TBCD: variants seen among roughly 807,000 people sequenced by gnomAD.
The protein encoded by TBCD is tubulin folding cofactor D, also known as tubulin-specific chaperone D.
TBCD carries 105 observed loss-of-function variants against 169.3 expected under a neutral mutation model. The observed-to-expected ratio is 0.62, with a 90% CI of 0.53 to 0.73. The LOEUF (loss-of-function observed/expected upper bound fraction) is 0.73, where lower values mean the gene tolerates loss of function less well. Among genes scored for constraint, TBCD ranks in the 30% least tolerant of loss-of-function variants. The probability of loss-of-function intolerance (pLI) is 0.00; values close to 1 mark genes in which losing one functional copy is unlikely to be tolerated. For synonymous variants in TBCD, 700 were observed against 643.9 expected, an observed-to-expected ratio of 1.09 and a Z score of -1.32; for missense variants, 1,444 against 1,600.1, an observed-to-expected ratio of 0.90 and a Z score of 1.66.
At chr17:82,787,660 C>T (rs994021092) in intron 7 of TBCD, among the ~76,000 whole-genome samples, 5 of 152,200 alleles carry the variant, frequency 3.3e-5, no homozygotes, top group Admixed American at 2.0e-4. Context: ...CTTTGATGCA[C>T]TTGGCTTCAT....
rs980610386 is a variant in TBCD, at chr17:82,903,334, T to G, written c.1731-71T>G. On this transcript the variant is annotated intron_variant, in intron 18 of 38. Transcript: ENST00000355528. This position sits in a 1 kb window ranked among gnomAD's most constrained non-coding sequence, Gnocchi z 4.8. Reference sequence around the variant, plus strand: ...GACTCGTGTGTTGTCTCCCTCACTTTCTTTTTATGAATTGAATAAAGCTAG... The same window carrying G: ...GACTCGTGTGTTGTCTCCCTCACTTGCTTTTTATGAATTGAATAAAGCTAG... 4.4e-5 allele frequency: 64 copies of G among 1,447,176 alleles called. No individual in the cohort carries two copies. Among genetic ancestry groups the G allele is most frequent in the Middle Eastern group, 3.4e-4 (2 of 5,822 alleles). 89.6% of individuals were successfully genotyped at this position (1,447,176 alleles called of 1,614,324 possible).
intron 29 of TBCD, among the ~76,000 whole-genome samples, chr17:82,927,609 T>C (rs1364082277): frequency 1.3e-5 from 2 of 152,114 alleles, no homozygotes; most frequent in Non-Finnish European, 2.9e-5. Flanking sequence ...GCCGGCTGCT[T>C]ACATTGGGTT....
intron 26 of TBCD, 106 bp from the exon 27 acceptor site, chr17:82,924,833 C>T: frequency 8.0e-6 from 7 of 877,092 alleles, no homozygotes; most frequent in Non-Finnish European, 1.2e-5. Context: ...CAGGCGGCTC[C>T]TCCTTTGTTC....
At chr17:82,837,760 TA>T (rs2054112714) in intron 13 of TBCD, among the ~76,000 whole-genome samples, 2 of 152,206 alleles carry the variant, frequency 1.3e-5, no homozygotes, top group African/African-American at 4.8e-5. Flanking sequence ...CTGAAATACT[TA>T]TGCAGAGTCT....
At chr17:82,911,437 T>C (rs1482962658) in intron 22 of TBCD, among the ~76,000 whole-genome samples, 1 of 152,016 alleles carries the variant, frequency 6.6e-6, no homozygotes, top group African/African-American at 2.4e-5. Flanking sequence ...GGGCTCTTTC[T>C]GGCATCTGAG....
chr17:82,794,258 G>C (rs184240319), intron 7 of TBCD, among the ~76,000 whole-genome samples: 2,681 of 152,376 alleles, frequency 0.018, 34 homozygotes, highest in Middle Eastern at 0.027. Flanking sequence ...ATGCCCCAGG[G>C]GGGGGAAGCT....
At position 82,880,729 on chromosome 17, in the gene TBCD, CG is replaced by C. The variant is rs1180182121; in HGVS notation, c.1476-3415del. Reference sequence around the variant, plus strand: ...CCCCACACAGTGACACCTGTCTGTCCGTCCGTCTGTCCACAGGAGCAGGAGG... The same window carrying C: ...CCCCACACAGTGACACCTGTCTGTCCTCCGTCTGTCCACAGGAGCAGGAGG... On this transcript the variant is annotated intron_variant, in intron 14 of 38. Transcript: ENST00000355528. This position sits in a 1 kb window ranked among gnomAD's most constrained non-coding sequence, Gnocchi z 5.0. 2.6e-5 allele frequency among the ~76,000 whole-genome samples: 4 copies of C among 151,588 alleles called. No individual in the cohort carries two copies. The highest frequency in any genetic ancestry group is 2.6e-4 in the Admixed American group (4 of 15,272).
rs181652188 is a variant in TBCD, at chr17:82,816,165, T to C, written c.1318+1231T>C. 2.0e-5 allele frequency among the ~76,000 whole-genome samples: 3 copies of C among 152,328 alleles called. No homozygotes were observed. The East Asian group carries it at 5.8e-4, about 29-fold the overall frequency. ...AGTGGAACCTACGACATGTGATCTTTGGCGTCCGAATTCTTCGGCTGAGTT... is the reference window on the plus strand; with the variant it reads ...AGTGGAACCTACGACATGTGATCTTCGGCGTCCGAATTCTTCGGCTGAGTT... On this transcript the variant is annotated intron_variant, in intron 13 of 38. Transcript: ENST00000355528.
chr17:82,854,410 C>T (rs1400097228), intron 13 of TBCD, among the ~76,000 whole-genome samples: 1 of 152,200 alleles, frequency 6.6e-6, no homozygotes, highest in African/African-American at 2.4e-5. Flanking sequence ...GGGTGCAGGC[C>T]GGACGCAGGC....
At chr17:82,936,528 G>C (rs1329982565) in intron 34 of TBCD, among the ~76,000 whole-genome samples, 1 of 152,158 alleles carries the variant, frequency 6.6e-6, no homozygotes, top group Non-Finnish European at 1.5e-5. Context: ...CGTTTGAGGG[G>C]TCGCACCTCA....
Position 82,910,314 on chromosome 17 carries a change from G to T in TBCD, c.2006+1007G>T, listed in dbSNP as rs147868841. 4.6e-5 allele frequency among the ~76,000 whole-genome samples: 7 copies of T among 152,236 alleles called. No homozygotes were observed. The South Asian group carries it at 1.5e-3, about 32-fold the overall frequency. On this transcript the variant is annotated intron_variant, in intron 22 of 38. Coordinates refer to ENST00000355528, the MANE Select transcript of TBCD (RefSeq NM_005993.5). ...CCCTCTGGGTGAGTAGAGGCCTCTC[G>T]CTGCTGCTGGAGTCTGCCTCTCCCC...
In TBCD at chr17:82,930,236, A is replaced by G; in HGVS notation, c.2992-286A>G. 2.3e-6 allele frequency: 1 copy of G among 441,228 alleles called. No individual in the cohort carries two copies. Among genetic ancestry groups the G allele is most frequent in the Non-Finnish European group, 4.1e-6 (1 of 245,606 alleles). 27.3% of individuals were successfully genotyped at this position (441,228 alleles called of 1,614,324 possible). A position where few individuals can be genotyped will look rare whatever the true frequency, so the allele number is the denominator to read the frequency against. On this transcript the variant is annotated intron_variant, in intron 32 of 38. Coordinates refer to ENST00000355528, the MANE Select transcript of TBCD (RefSeq NM_005993.5). This position sits in a 1 kb window ranked among gnomAD's most constrained non-coding sequence, Gnocchi z 5.2. ...CCGCTTCAGTGGGAAACGTGAGCGA[A>G]ACCCAAGGTGAGTGGCCGCAGCCTT...
chr17:82,878,517 G>T (rs927306637), intron 14 of TBCD, among the ~76,000 whole-genome samples: 1 of 24,626 alleles, frequency 4.1e-5, no homozygotes, highest in Non-Finnish European at 9.2e-5. Flanking sequence ...GCTTTCTCGT[G>T]TGTTACTGGA....
intron 6 of TBCD, among the ~76,000 whole-genome samples, chr17:82,777,721 G>A (rs1219323916): frequency 3.3e-5 from 5 of 152,246 alleles, no homozygotes; most frequent in South Asian, 2.1e-4. Context: ...GACTAGGAGC[G>A]TGACCACTGA....
chr17:82,859,962 T>C, intron 13 of TBCD: 1 of 900,902 alleles, frequency 1.1e-6, no homozygotes, highest in East Asian at 1.2e-4. Context: ...CTCGTGGTCC[T>C]GCTCTTGGGC....
chr17:82,897,206 G>A (rs1032544223), intron 17 of TBCD, among the ~76,000 whole-genome samples: 6 of 151,760 alleles, frequency 4.0e-5, no homozygotes, highest in Admixed American at 3.9e-4. Flanking sequence ...ATATTCCTAA[G>A]TCAAAGCCTT....
intron 7 of TBCD, among the ~76,000 whole-genome samples, chr17:82,793,680 G>A (rs2049903897): frequency 6.6e-6 from 1 of 152,214 alleles, no homozygotes; most frequent in Admixed American, 6.5e-5. Context: ...TGCTCTCAAG[G>A]CATTCCAGCC....
At chr17:82,812,425 G>A (rs2051514385) in intron 12 of TBCD, among the ~76,000 whole-genome samples, 1 of 152,048 alleles carries the variant, frequency 6.6e-6, no homozygotes, top group South Asian at 2.1e-4. Context: ...TCATTCAAAA[G>A]TCAAACCAAA....
chr17:82,763,889 G>T (rs1031726496), intron 2 of TBCD, 76 bp from the exon 3 acceptor site: 41 of 1,246,360 alleles, frequency 3.3e-5, no homozygotes, highest in Non-Finnish European at 4.6e-5. Context: ...ACAGGCATGA[G>T]CCACCACACC....
Sources: gnomAD v4.1 joint callset for allele counts (sites outside exome capture counted in the v4.1 genomes callset) on GRCh38, gnomAD v4.1.1 for gene constraint, Gnocchi (gnomAD v3.1) non-coding constraint, MANE v1.5 for transcripts, NCBI Gene and HGNC (gene_info 2026-07-23, HGNC 2026-07-21) for gene names.